LVRN: variants seen among roughly 807,000 people sequenced by gnomAD.
LVRN encodes laeverin.
LVRN carries 99 observed loss-of-function variants against 111.4 expected under a neutral mutation model. The observed-to-expected ratio is 0.89, with a 90% CI of 0.76 to 1.05. LVRN has a LOEUF of 1.05. Ranked by LOEUF, LVRN falls within the 50% of genes least tolerant of loss-of-function variation. The pLI, the probability that LVRN is intolerant of heterozygous loss-of-function variation, is 0.00. For synonymous variants in LVRN, 488 were observed against 449.5 expected (o/e 1.09, Z -1.08); for missense variants, 1,414 against 1,206.8 (o/e 1.17, Z -2.54).
In LVRN at chr5:115,963,080, C is replaced by T. The variant is rs749372240; in HGVS notation, c.463C>T (p.Arg155Cys). ...GCATAGCCTCTTCCAGGACTGCGAG[C>T]GCGCCGAGGTGCGGGGACCCCTTTC... Reference protein sequence around the residue: ...LLHSLFQDCERAEVRGPLSPG... With the variant: ...LLHSLFQDCECAEVRGPLSPG... Residue 155 changes from arginine (R) to cysteine (C), a missense_variant, in exon 1 of 20, where the codon CGC (arginine) becomes TGC (cysteine). Arg to Cys is a radical substitution (Grantham distance 180, BLOSUM62 -3). Transcript: ENST00000357872. The T allele has an allele frequency of 1.2e-6, 2 of 1,613,538 alleles. No individual in the cohort carries two copies. Among genetic ancestry groups the T allele is most frequent in the Non-Finnish European group, 8.5e-7 (1 of 1,179,968 alleles).
In LVRN at chr5:115,984,669, G is replaced by T; in HGVS notation, c.938G>T (p.Cys313Phe). The T allele has an allele frequency of 6.2e-7, 1 of 1,613,678 alleles. No individual in the cohort carries two copies. Among genetic ancestry groups the T allele is most frequent in the Admixed American group, 1.7e-5 (1 of 59,924 alleles). The change falls in exon 3 of 20, where the codon TGT (cysteine) becomes TTT (phenylalanine). Residue 313 changes from cysteine to phenylalanine, a missense_variant. Physicochemically the swap from Cys to Phe is radical, Grantham distance 205. Coordinates refer to ENST00000357872, the MANE Select transcript of LVRN (RefSeq NM_173800.5). ...MPTYLVAFVICDYDHVNRTER... is the reference protein window; with the variant it reads ...MPTYLVAFVIFDYDHVNRTER... Reference sequence around the variant, plus strand: ...ACTTACTTAGTCGCATTTGTTATATGTGACTATGACCACGTCAACAGAACA... The same window carrying T: ...ACTTACTTAGTCGCATTTGTTATATTTGACTATGACCACGTCAACAGAACA...
rs1407493109 is a variant in LVRN, at chr5:115,987,861, T to C, written c.1027T>C (p.Phe343Leu). ...KDAIANGSAD[F>L]ALNITGPIFS... is the part of the protein sequence containing the mutation. ...TGCAATTGCAAATGGAAGTGCAGAC[T>C]TTGCTTTGAACATCACAGGTCCCAT... The change falls in exon 4 of 20, where the codon TTT (phenylalanine) becomes CTT (leucine). Residue 343 changes from phenylalanine to leucine, a missense_variant. Phe to Leu is a conservative substitution (Grantham distance 22). Coordinates refer to ENST00000357872, the MANE Select transcript of LVRN (RefSeq NM_173800.5). 3 of 1,613,342 alleles carry C rather than the reference T, an allele frequency of 1.9e-6. No homozygotes were observed. Among genetic ancestry groups the C allele is most frequent in the South Asian group, 2.2e-5 (2 of 91,000 alleles).
rs369356291 is a variant in LVRN, at chr5:115,993,200, G to GTATT, written c.1261-540_1261-539insATTT. On this transcript the variant is annotated intron_variant, in intron 5 of 19. Transcript: ENST00000357872. ...TTCTGTTCATCATCCATTTGACACT[G>GTATT]TTTTTTTTTTTCTGTTCAGTTCAAA... Among the ~76,000 whole-genome samples, 6 of 148,778 alleles carry GTATT rather than the reference G, an allele frequency of 4.0e-5. No individual in the cohort carries two copies. The East Asian group carries it at 9.8e-4, about 24-fold the overall frequency.
intron 19 of LVRN, among the ~76,000 whole-genome samples, chr5:116,025,610 C>A (rs1290551787): frequency 2.0e-5 from 3 of 152,076 alleles, no homozygotes; most frequent in African/African-American, 7.2e-5. Context: ...TCGGAAGTTG[C>A]AGTTTCTTTT....
At chr5:116,011,217 G>A (rs1377591441) in intron 14 of LVRN, among the ~76,000 whole-genome samples, 1 of 150,104 alleles carries the variant, frequency 6.7e-6, no homozygotes, top group Non-Finnish European at 1.5e-5. Flanking sequence ...GAAAAGGATA[G>A]TATTTATTAG....
chr5:116,008,879 G>A (rs965757596), intron 13 of LVRN, among the ~76,000 whole-genome samples: 1 of 152,206 alleles, frequency 6.6e-6, no homozygotes, highest in Admixed American at 6.5e-5. Context: ...TGATGTAGAA[G>A]TTATAGTAAG....
chr5:115,987,626 GT>G (rs1747895184), intron 3 of LVRN, among the ~76,000 whole-genome samples, 186 bp from the exon 4 acceptor site: 1 of 152,100 alleles, frequency 6.6e-6, no homozygotes, highest in Admixed American at 6.5e-5. Context: ...GGGAATCACT[GT>G]TCATAACTTA....
At position 116,014,423 on chromosome 5, in the gene LVRN, A is replaced by G. The variant is rs1166699504; in HGVS notation, c.2346A>G (p.Ile782Met). 3 of 1,609,780 alleles carry G rather than the reference A, an allele frequency of 1.9e-6. No individual in the cohort carries two copies. Among genetic ancestry groups the G allele is most frequent in the Non-Finnish European group, 2.5e-6 (3 of 1,177,184 alleles). Residue 782 changes from isoleucine (I) to methionine (M), a missense_variant, in exon 16 of 20, where the codon ATA becomes ATG. Ile to Met is a conservative substitution (Grantham distance 10, BLOSUM62 1). Coordinates refer to ENST00000357872, the MANE Select transcript of LVRN (RefSeq NM_173800.5). ...TTTCTTTGACTTTTTCTTCAAGAATATCACTGGAAAAACTTTTTGTAACTG... is the reference window on the plus strand; with the variant it reads ...TTTCTTTGACTTTTTCTTCAAGAATGTCACTGGAAAAACTTTTTGTAACTG... ...LALQDDYLAL[I>M]SLEKLFVTAC...
intron 4 of LVRN, among the ~76,000 whole-genome samples, chr5:115,990,643 C>A (rs557993515): frequency 1.3e-5 from 2 of 152,154 alleles, no homozygotes; most frequent in Non-Finnish European, 2.9e-5. Context: ...GCAATCCCCC[C>A]CTACTGACAC....
At chr5:115,984,432 G>A in intron 2 of LVRN, 138 bp from the exon 3 acceptor site, 5 of 1,033,186 alleles carry the variant, frequency 4.8e-6, no homozygotes, top group Non-Finnish European at 6.9e-6. Flanking sequence ...CTTAGGAGTA[G>A]GTGGAGAAAT....
chr5:116,019,330 C>G (rs1261798902), intron 18 of LVRN, among the ~76,000 whole-genome samples: 1 of 152,170 alleles, frequency 6.6e-6, no homozygotes, highest in Non-Finnish European at 1.5e-5. Context: ...TAGGACCTCC[C>G]TCATACATAT....
intron 1 of LVRN, among the ~76,000 whole-genome samples, chr5:115,977,262 C>G (rs142720284): frequency 1.3e-5 from 2 of 152,292 alleles, no homozygotes; most frequent in East Asian, 3.9e-4. Flanking sequence ...TGTCCCTGAA[C>G]TCTAACGTCT....
intron 6 of LVRN, 150 bp downstream of exon 6, chr5:115,994,004 A>T (rs925231302): frequency 2.1e-6 from 1 of 478,956 alleles, no homozygotes; most frequent in Admixed American, 4.2e-5. Context: ...GCTTTTTGAT[A>T]TTTTTTTTTA....
intron 1 of LVRN, among the ~76,000 whole-genome samples, chr5:115,979,593 C>T (rs1212140789): frequency 6.6e-6 from 1 of 152,160 alleles, no homozygotes; most frequent in Non-Finnish European, 1.5e-5. Flanking sequence ...CATGTTTTGG[C>T]ACCTTTCTCT....
intron 12 of LVRN, among the ~76,000 whole-genome samples, chr5:116,004,970 T>C (rs528110567): frequency 6.6e-6 from 1 of 152,346 alleles, no homozygotes; most frequent in East Asian, 1.9e-4. Flanking sequence ...TCTAAATTCT[T>C]ATTACATTTC....
intron 6 of LVRN, among the ~76,000 whole-genome samples, chr5:115,999,354 T>C (rs1044540239): frequency 6.6e-6 from 1 of 152,136 alleles, no homozygotes; most frequent in African/African-American, 2.4e-5. Flanking sequence ...TGGCATGCTT[T>C]TGGTTTGTAA....
intron 12 of LVRN, among the ~76,000 whole-genome samples, chr5:116,004,652 C>T (rs772798334): frequency 3.3e-5 from 5 of 152,036 alleles, no homozygotes; most frequent in Non-Finnish European, 5.9e-5. Context: ...CTTCAGTATT[C>T]CTGGAGGTGA....
At chr5:116,003,184 G>T in intron 11 of LVRN, 57 bp from the exon 12 acceptor site, 1 of 1,416,948 alleles carries the variant, frequency 7.1e-7, no homozygotes, top group Non-Finnish European at 9.7e-7. Context: ...AGTATTAATA[G>T]GTATTAAGAT....
intron 18 of LVRN, chr5:116,020,129 C>T (rs772044504): frequency 4.6e-5 from 7 of 152,054 alleles, no homozygotes; most frequent in Non-Finnish European, 8.8e-5. Flanking sequence ...TGGTCTTGCC[C>T]CTCACTCTCA....
Sources: gnomAD v4.1 joint callset for allele counts (sites outside exome capture counted in the v4.1 genomes callset) on GRCh38, gnomAD v4.1.1 for gene constraint, MANE v1.5 for transcripts, NCBI Gene and HGNC (gene_info 2026-07-23, HGNC 2026-07-21) for gene names.